DIPK1B: variants seen among roughly 807,000 people sequenced by gnomAD.
DIPK1B encodes the protein divergent protein kinase domain 1B.
A neutral mutation model predicts 20.7 loss-of-function variants in DIPK1B; 17 were observed. The observed-to-expected ratio is 0.82, with a 90% confidence interval of 0.56 to 1.23. The LOEUF (loss-of-function observed/expected upper bound fraction) is 1.23. Ranked by LOEUF, DIPK1B falls within the 50% of genes most tolerant of loss-of-function variation. The pLI, the probability that DIPK1B is intolerant of heterozygous loss-of-function variation, is 0.00. For synonymous variants in DIPK1B, 343 were observed against 276.5 expected, an observed-to-expected ratio of 1.24 and a Z score of -2.39; for missense variants, 648 against 601.8, an observed-to-expected ratio of 1.08 and a Z score of -0.80.
chr9:136,719,605 A>T (rs1846558624), intron 2 of DIPK1B, among the ~76,000 whole-genome samples: 1 of 152,152 alleles, frequency 6.6e-6, no homozygotes, highest in Non-Finnish European at 1.5e-5. Context: ...GAGGGGACCG[A>T]TGTGCGGCAA....
Position 136,722,201 on chromosome 9 carries a change from G to A in DIPK1B, c.383G>A (p.Arg128Gln), listed in dbSNP as rs549609567. 90 of 1,614,046 alleles carry A rather than the reference G, an allele frequency of 5.6e-5. No homozygotes were observed. The Admixed American group carries it at 9.3e-4, about 17-fold the overall frequency. The change falls in exon 4 of 5, where the codon CGG becomes CAG. Residue 128 changes from arginine (R) to glutamine (Q), a missense_variant. By Grantham distance (43) the Arg-to-Gln change is conservative. Transcript: ENST00000371692. ...GAGGAGACCCTCGACTCCAAGGCCCGGTCGGATGCGGCCCCCCGGCGGGAG... is the reference window on the plus strand; with the variant it reads ...GAGGAGACCCTCGACTCCAAGGCCCAGTCGGATGCGGCCCCCCGGCGGGAG... Reference protein sequence around the residue: ...GIEETLDSKARSDAAPRRELV... With the variant: ...GIEETLDSKAQSDAAPRRELV...
Position 136,712,729 on chromosome 9 carries a change from G to T in DIPK1B, c.63+1G>T. 7.4e-7 allele frequency: 1 copy of T among 1,349,504 alleles called. No homozygotes were observed. The highest frequency in any genetic ancestry group is 9.5e-7 in the Non-Finnish European group (1 of 1,054,308). The allele number at this position is 1,349,504 out of a possible 1,614,324, so 83.6% of individuals were successfully genotyped here. A position where few individuals can be genotyped will look rare whatever the true frequency, so the allele number is the denominator to read the frequency against. ...CTGCCCCTTCTCCAAGCGCCTGCAG[G>T]TAAGCGCGGTGCGCGCCCGCCGCCC... On this transcript the variant is annotated splice_donor_variant, in intron 1 of 4. Transcript: ENST00000371692. LOFTEE classifies it high-confidence loss of function. This position sits in a 1 kb window ranked among gnomAD's most constrained non-coding sequence, Gnocchi z 5.6.
chr9:136,721,697 C>T (rs1304604151), intron 2 of DIPK1B: 8 of 549,366 alleles, frequency 1.5e-5, no homozygotes, highest in Middle Eastern at 4.9e-4. Context: ...ATGGTGGGGA[C>T]GGGACCGGAC....
intron 2 of DIPK1B, among the ~76,000 whole-genome samples, chr9:136,718,603 G>A (rs1250649658): frequency 2.6e-5 from 4 of 152,218 alleles, no homozygotes; most frequent in African/African-American, 9.6e-5. Context: ...GCTGCCCGAT[G>A]ACCAGGGTTC....
At chr9:136,715,994 C>T (rs1481661749) in intron 1 of DIPK1B, among the ~76,000 whole-genome samples, 1 of 152,176 alleles carries the variant, frequency 6.6e-6, no homozygotes, top group Non-Finnish European at 1.5e-5. Context: ...TCCCTCTACT[C>T]TCCTTCCTGT....
Position 136,723,875 on chromosome 9 carries a change from T to A in DIPK1B, c.*101T>A. On this transcript the variant is annotated 3_prime_UTR_variant, in exon 5 of 5. Transcript: ENST00000371692. ...TGTCAGAAGATGTGAAATGCAACTG[T>A]GTTGCAAAATCACTCCCCTACCGTC... 2.5e-6 allele frequency: 3 copies of A among 1,221,716 alleles called. No individual in the cohort carries two copies. Among genetic ancestry groups the A allele is most frequent in the Non-Finnish European group, 3.4e-6 (3 of 891,452 alleles). 75.7% of individuals were successfully genotyped at this position (1,221,716 alleles called of 1,614,324 possible). A position where few individuals can be genotyped will look rare whatever the true frequency, so the allele number is the denominator to read the frequency against.
Position 136,723,372 on chromosome 9 carries a change from C to T in DIPK1B, c.894C>T (p.Thr298=). ...GSYGTFYMCE[T]TLANVGYTAT... The stretch of plus-strand genomic sequence containing the variant: ...ACGGGACTTTCTACATGTGTGAGAC[C>T]ACACTGGCCAACGTGGGCTACACAG... Residue 298 remains threonine, a synonymous_variant, in exon 5 of 5, where the codon ACC becomes ACT. Coordinates refer to ENST00000371692, the MANE Select transcript of DIPK1B (RefSeq NM_152421.4). 6.2e-7 allele frequency: 1 copy of T among 1,613,334 alleles called. No individual in the cohort carries two copies. The highest frequency in any genetic ancestry group is 8.5e-7 in the Non-Finnish European group (1 of 1,179,836).
intron 1 of DIPK1B, among the ~76,000 whole-genome samples, chr9:136,716,695 C>T (rs534060532): frequency 3.9e-5 from 6 of 152,054 alleles, no homozygotes; most frequent in Non-Finnish European, 7.4e-5. Context: ...CCACCATGCC[C>T]GGCCCGCCTG....
chr9:136,721,477 C>A, intron 2 of DIPK1B: 1 of 182,366 alleles, frequency 5.5e-6, no homozygotes, highest in Non-Finnish European at 1.2e-5. Context: ...AGAGAGCGCG[C>A]GTGTGGCAGC....
rs945384 is a variant in DIPK1B, at chr9:136,722,290, A to G, written c.472A>G (p.Ser158Gly). The change falls in exon 4 of 5, where the codon AGC becomes GGC. Residue 158 changes from serine (S) to glycine (G), a missense_variant. By Grantham distance (56) the Ser-to-Gly change is moderately conservative (BLOSUM62 0). Transcript: ENST00000371692. ...SIKEFREMTL[S>G]FLKANLGDLP... Reference sequence around the variant, plus strand: ...CAAGGAATTCCGGGAGATGACCCTCAGCTTCCTCAAGGTCAGGCAGCTCTC... The same window carrying G: ...CAAGGAATTCCGGGAGATGACCCTCGGCTTCCTCAAGGTCAGGCAGCTCTC... The G allele has an allele frequency of 0.94, 1,513,859 of 1,612,702 alleles. 715,682 individuals carry two copies. The highest frequency in any genetic ancestry group is 1 in the East Asian group (44,813 of 44,844).
chr9:136,719,651 C>A (rs1846559977), intron 2 of DIPK1B, among the ~76,000 whole-genome samples: 1 of 152,184 alleles, frequency 6.6e-6, no homozygotes, highest in African/African-American at 2.4e-5. Context: ...CCCGCCTCAG[C>A]CTCTGAGGAA....
chr9:136,723,669 CACGCTG>C lies in DIPK1B; in HGVS notation c.1193_1198del (p.Thr398_Leu399del). 1 of 1,549,940 alleles carries C rather than the reference CACGCTG, an allele frequency of 6.5e-7. No individual in the cohort carries two copies. The highest frequency in any genetic ancestry group is 8.7e-7 in the Non-Finnish European group (1 of 1,151,020). ...TGGGCACACAGCTGCGCACCTGTAC[CACGCTG>C]AGCGGGCTGGCCAGCCAGGTGGAGG... is the stretch of plus-strand genomic sequence containing the variant. On this transcript the variant is annotated inframe_deletion, in exon 5 of 5. Transcript: ENST00000371692.
At chr9:136,715,535 G>A (rs1846484699) in intron 1 of DIPK1B, among the ~76,000 whole-genome samples, 1 of 148,888 alleles carries the variant, frequency 6.7e-6, no homozygotes. Context: ...TTTTTTTTGA[G>A]ACGGAGCCTC....
Position 136,712,739 on chromosome 9 carries a change from TGC to T in DIPK1B, c.63+16_63+17del, listed in dbSNP as rs774238140. 3 of 1,334,390 alleles carry T rather than the reference TGC, an allele frequency of 2.2e-6. No homozygotes were observed. The South Asian group carries it at 5.8e-5, about 26-fold the overall frequency. 82.7% of individuals were successfully genotyped at this position (1,334,390 alleles called of 1,614,324 possible). ...TCCAAGCGCCTGCAGGTAAGCGCGG[TGC>T]GCGCCCGCCGCCCCCGGCCGCCTCT... On this transcript the variant is annotated intron_variant, in intron 1 of 4. Coordinates refer to ENST00000371692, the MANE Select transcript of DIPK1B (RefSeq NM_152421.4). The surrounding 1 kb of genome is among the most constrained non-coding windows in gnomAD (Gnocchi z 5.6).
In DIPK1B at chr9:136,722,317, T is replaced by C. The variant is rs368068401; in HGVS notation, c.483+16T>C. ...CTTCCTCAAGGTCAGGCAGCTCTCCTAGGGGGCAGGGCAGGAGTCCACACC... is the reference window on the plus strand; with the variant it reads ...CTTCCTCAAGGTCAGGCAGCTCTCCCAGGGGGCAGGGCAGGAGTCCACACC... On this transcript the variant is annotated intron_variant, in intron 4 of 4. Coordinates refer to ENST00000371692, the MANE Select transcript of DIPK1B (RefSeq NM_152421.4). 61 of 1,606,980 alleles carry C rather than the reference T, an allele frequency of 3.8e-5. No homozygotes were observed. The East Asian group carries it at 5.2e-4, about 14-fold the overall frequency.
rs73668361 is a variant in DIPK1B at position 136,713,750 on chromosome 9, G to A, written c.63+1022G>A. Among the ~76,000 whole-genome samples, 225 of 152,370 alleles carry A rather than the reference G, an allele frequency of 1.5e-3. 2 individuals carry two copies. Among genetic ancestry groups the A allele is most frequent in the African/African-American group, 5.0e-3 (208 of 41,598 alleles). ...AGCTCCGCCCAGGAATGGCAGCAGA[G>A]GGGTGTTGGCTGCTCCCAGGGTGGC... On this transcript the variant is annotated intron_variant, in intron 1 of 4. Transcript: ENST00000371692.
chr9:136,719,202 G>A (rs1846550637), intron 2 of DIPK1B, among the ~76,000 whole-genome samples: 1 of 152,168 alleles, frequency 6.6e-6, no homozygotes, highest in African/African-American at 2.4e-5. Context: ...CAGGTTCTGA[G>A]CACCTACTGG....
In DIPK1B at chr9:136,723,316, G is replaced by T; in HGVS notation, c.838G>T (p.Glu280Ter). The T allele has an allele frequency of 6.2e-7, 1 of 1,613,062 alleles. No homozygotes were observed. Among genetic ancestry groups the T allele is most frequent in the Non-Finnish European group, 8.5e-7 (1 of 1,179,854 alleles). ...WRAKIAIGLL[E>*]FVEELFHGSY... ...GGCCAAGATCGCCATCGGCCTGCTG[G>T]AGTTCGTGGAGGAGCTCTTCCACGG... is the stretch of plus-strand genomic sequence containing the variant. The change falls in exon 5 of 5, where the codon GAG becomes TAG. Residue 280 changes from glutamate (E) to a stop codon, truncating the protein, a stop_gained. Transcript: ENST00000371692. LOFTEE classifies it low-confidence loss of function (END_TRUNC).
At chr9:136,721,500 T>G in intron 2 of DIPK1B, 1 of 194,760 alleles carries the variant, frequency 5.1e-6, no homozygotes, top group Non-Finnish European at 1.1e-5. Flanking sequence ...GTGGTGTAGA[T>G]ATTAGGGACT....
Sources: gnomAD v4.1 joint callset for allele counts (sites outside exome capture counted in the v4.1 genomes callset) on GRCh38, gnomAD v4.1.1 for gene constraint, Gnocchi (gnomAD v3.1) non-coding constraint, MANE v1.5 for transcripts, NCBI Gene and HGNC (gene_info 2026-07-23, HGNC 2026-07-21) for gene names.